The following TMCO1 variants were observed in gnomAD, a reference collection of about 807,000 sequenced individuals.
TMCO1 encodes the protein calcium load-activated calcium channel.
In TMCO1, 29 loss-of-function variants were observed where a neutral mutation model predicts 29.3. The observed-to-expected ratio is 0.99, with a 90% confidence interval of 0.74 to 1.35. The LOEUF (loss-of-function observed/expected upper bound fraction) is 1.35, where lower values mean the gene tolerates loss of function less well. Among genes scored for constraint, TMCO1 ranks in the 40% most tolerant of loss-of-function variants. The probability of loss-of-function intolerance (pLI) is 0.00; values close to 1 mark genes in which losing one functional copy is unlikely to be tolerated. For synonymous variants in TMCO1, 80 were observed against 77.1 expected (o/e 1.04, Z -0.20); for missense variants, 173 against 225.5 (o/e 0.77, Z 1.49).
intron 3 of TMCO1, chr1:165,754,971 G>A (rs1652140151): frequency 1.3e-5 from 2 of 152,248 alleles, no homozygotes; most frequent in Non-Finnish European, 2.9e-5. Context: ...TCCAGCCTGG[G>A]CGATAGGGTG....
intron 2 of TMCO1, among the ~76,000 whole-genome samples, chr1:165,763,842 G>A (rs906660452): frequency 6.6e-5 from 10 of 152,044 alleles, no homozygotes; most frequent in African/African-American, 2.2e-4. Flanking sequence ...GCCCAGGCTG[G>A]TCTTGAACTC....
chr1:165,759,482 T>C, intron 3 of TMCO1, 43 bp downstream of exon 3: 1 of 1,446,314 alleles, frequency 6.9e-7, no homozygotes, highest in Non-Finnish European at 9.7e-7. Flanking sequence ...ATTAATTTTT[T>C]TAAGAAAACC....
chr1:165,737,352 A>G (rs188871495), intron 6 of TMCO1, among the ~76,000 whole-genome samples: 6 of 152,322 alleles, frequency 3.9e-5, no homozygotes, highest in South Asian at 2.1e-4. Flanking sequence ...AAAAGATTTA[A>G]AAAAATTCAA....
In TMCO1 at chr1:165,743,158, A is replaced by G. The variant is rs202204652; in HGVS notation, c.468+9T>C. On this transcript the variant is annotated intron_variant, in intron 6 of 6. Coordinates refer to ENST00000367881, the MANE Select transcript of TMCO1 (RefSeq NM_019026.6). ...ATATACATATTAAATGGTAGATGTG[A>G]TCACTCACCTGTCGAATCGACATAG... is the stretch of plus-strand genomic sequence containing the variant. The G allele has an allele frequency of 1.2e-4, 195 of 1,614,038 alleles. No homozygotes were observed. The highest frequency in any genetic ancestry group is 9.0e-5 in the Non-Finnish European group (106 of 1,179,960).
At chr1:165,732,505 C>CTCTCTA (rs969853408) in intron 6 of TMCO1, among the ~76,000 whole-genome samples, 1 of 133,820 alleles carries the variant, frequency 7.5e-6, no homozygotes, top group African/African-American at 2.9e-5. Flanking sequence ...CTCTCTCTCT[C>CTCTCTA]TATATATATA....
intron 5 of TMCO1, among the ~76,000 whole-genome samples, chr1:165,745,729 T>C (rs1428289873): frequency 6.6e-6 from 1 of 152,188 alleles, no homozygotes; most frequent in Non-Finnish European, 1.5e-5. Context: ...AAACATGTAT[T>C]AGACTTTTAA....
chr1:165,742,324 G>T (rs1399155615), intron 6 of TMCO1, among the ~76,000 whole-genome samples: 1 of 151,616 alleles, frequency 6.6e-6, no homozygotes, highest in Non-Finnish European at 1.5e-5. Flanking sequence ...GTCCAGTGAT[G>T]TAATCAAGTC....
chr1:165,753,138 T>C (rs1026730119), intron 4 of TMCO1, among the ~76,000 whole-genome samples: 6 of 152,168 alleles, frequency 3.9e-5, no homozygotes, highest in Non-Finnish European at 7.4e-5. Flanking sequence ...GTTTTCCTTA[T>C]ACTTCATGGT....
chr1:165,751,983 C>T, intron 5 of TMCO1, 119 bp downstream of exon 5: 1 of 827,232 alleles, frequency 1.2e-6, no homozygotes, highest in South Asian at 1.6e-5. Context: ...ATTCTTGCAA[C>T]TTTTCTTTAA....
downstream of TMCO1, chr1:165,726,339 C>CTATT: frequency 1.5e-6 from 1 of 685,680 alleles, no homozygotes; most frequent in Non-Finnish European, 2.7e-6. Context: ...CCCACGTTGA[C>CTATT]TACTTTGTAA....
chr1:165,726,564 C>A (rs757581705), downstream of TMCO1: 4 of 467,700 alleles, frequency 8.6e-6, no homozygotes, highest in Non-Finnish European at 1.7e-5. Context: ...ACCTCCCCTG[C>A]CCCAGTTTCC....
chr1:165,768,434 A>G, intron 1 of TMCO1, 165 bp from the exon 2 acceptor site: 1 of 1,520,924 alleles, frequency 6.6e-7, no homozygotes, highest in Non-Finnish European at 8.9e-7. Context: ...CCAAAACAAC[A>G]GTAACATGAT....
chr1:165,754,531 G>A (rs1040965820), intron 3 of TMCO1, among the ~76,000 whole-genome samples: 2 of 152,056 alleles, frequency 1.3e-5, no homozygotes, highest in African/African-American at 4.8e-5. Flanking sequence ...TCTTAACTCT[G>A]TACATTAATA....
chr1:165,758,144 C>A (rs1297864353), intron 3 of TMCO1, among the ~76,000 whole-genome samples: 3 of 152,164 alleles, frequency 2.0e-5, no homozygotes, highest in Non-Finnish European at 4.4e-5. Context: ...CCATCATCAT[C>A]AGGCCCTTCC....
At chr1:165,724,322 A>AT (rs549303473), downstream of TMCO1, 41 of 450,286 alleles carry the variant, frequency 9.1e-5, no homozygotes, top group East Asian at 2.8e-3. Flanking sequence ...TATCTCATTA[A>AT]TTAATAGATC....
chr1:165,756,283 T>C (rs1652189626), intron 3 of TMCO1, among the ~76,000 whole-genome samples: 1 of 152,066 alleles, frequency 6.6e-6, no homozygotes. Flanking sequence ...CAGGGAAGGT[T>C]AGGTGAAGAC....
At chr1:165,743,401 CT>C in intron 5 of TMCO1, 90 bp from the exon 6 acceptor site, 1 of 1,341,474 alleles carries the variant, frequency 7.5e-7, no homozygotes, top group East Asian at 2.3e-5. Context: ...AGAAATAGAG[CT>C]TTAAGTCTCT....
At chr1:165,752,348 C>G (rs529214866) in intron 4 of TMCO1, among the ~76,000 whole-genome samples, 179 bp from the exon 5 acceptor site, 11 of 150,986 alleles carry the variant, frequency 7.3e-5, no homozygotes, top group Non-Finnish European at 1.3e-4. Context: ...TCCGTCCCCC[C>G]GGGTTCACGC....
Position 165,727,649 on chromosome 1 carries a change from A to T in TMCO1, c.*374T>A, listed in dbSNP as rs1428003170. The stretch of plus-strand genomic sequence containing the variant: ...CAGTTACAAGGGTTAAACAAACTAA[A>T]TTTTTCTTCTAAATCTCTAAATGCT... On this transcript the variant is annotated 3_prime_UTR_variant, in exon 7 of 7. Transcript: ENST00000367881. 2 of 454,158 alleles carry T rather than the reference A, an allele frequency of 4.4e-6. No individual in the cohort carries two copies. Among genetic ancestry groups the T allele is most frequent in the Admixed American group, 4.7e-5 (2 of 42,560 alleles). 28.1% of individuals were successfully genotyped at this position (454,158 alleles called of 1,614,324 possible). A position where few individuals can be genotyped will look rare whatever the true frequency, so the allele number is the denominator to read the frequency against.
Sources: gnomAD v4.1 joint callset for allele counts (sites outside exome capture counted in the v4.1 genomes callset) on GRCh38, gnomAD v4.1.1 for gene constraint, MANE v1.5 for transcripts, NCBI Gene and HGNC (gene_info 2026-07-23, HGNC 2026-07-21) for gene names.